Variants in HYCC1 observed in about 807,000 individuals in gnomAD.
HYCC1 encodes the protein hyccin.
chr7:22,980,473 TACA>T, the HYCC1 span, among the ~76,000 whole-genome samples: 6 of 152,258 alleles, frequency 3.9e-5, no homozygotes, highest in Middle Eastern at 3.4e-3. Context: ...AATGGATTTT[TACA>T]ACAATTCATT....
chr7:22,961,088 T>C, the HYCC1 span: 4 of 566,516 alleles, frequency 7.1e-6, no homozygotes, highest in African/African-American at 7.8e-5. Context: ...GTTACTTTTC[T>C]AAGTTATAAA....
the HYCC1 span, among the ~76,000 whole-genome samples, chr7:22,952,993 A>G: frequency 6.6e-6 from 1 of 151,974 alleles, no homozygotes; most frequent in Non-Finnish European, 1.5e-5. Flanking sequence ...ACCAGTTAGG[A>G]GCTATCAGCA....
At chr7:22,903,906 C>T in the HYCC1 span, among the ~76,000 whole-genome samples, 3 of 152,114 alleles carry the variant, frequency 2.0e-5, no homozygotes, top group South Asian at 2.1e-4. Flanking sequence ...ATTTCTGTAA[C>T]ATTTCACAAT....
the HYCC1 span, among the ~76,000 whole-genome samples, chr7:22,923,451 G>C: frequency 2.2e-3 from 328 of 152,044 alleles, 3 homozygotes; most frequent in South Asian, 1.0e-2. Flanking sequence ...TATTAAAAAA[G>C]AAGAAATATC....
At chr7:22,974,826 T>C in the HYCC1 span, among the ~76,000 whole-genome samples, 1 of 152,214 alleles carries the variant, frequency 6.6e-6, no homozygotes, top group Admixed American at 6.5e-5. Flanking sequence ...AATTGAATCA[T>C]GGGGTTGGGT....
the HYCC1 span, among the ~76,000 whole-genome samples, chr7:22,972,826 C>T: frequency 2.9e-3 from 439 of 152,222 alleles, 2 homozygotes; most frequent in Non-Finnish European, 3.6e-3. Context: ...GAAGGCAAAG[C>T]TTATAGTAAC....
chr7:22,914,430 C>T, the HYCC1 span, among the ~76,000 whole-genome samples: 6 of 152,266 alleles, frequency 3.9e-5, no homozygotes, highest in East Asian at 9.7e-4. Flanking sequence ...TTCTCAAAAA[C>T]AAAACCTCTT....
At chr7:22,972,911 A>C in the HYCC1 span, among the ~76,000 whole-genome samples, 2 of 152,214 alleles carry the variant, frequency 1.3e-5, no homozygotes. Context: ...AGATTGTTTT[A>C]ATTATTTTCA....
the HYCC1 span, among the ~76,000 whole-genome samples, chr7:23,010,181 T>G: frequency 6.6e-6 from 1 of 152,224 alleles, no homozygotes; most frequent in Non-Finnish European, 1.5e-5. Flanking sequence ...CAAAGAAATA[T>G]ACTGTCTTTA....
the HYCC1 span, chr7:22,943,900 T>C: frequency 6.6e-6 from 1 of 152,558 alleles, no homozygotes; most frequent in Non-Finnish European, 1.5e-5. Flanking sequence ...ATCAAATTCA[T>C]TTATGTCAAA....
At chr7:23,004,587 C>T in the HYCC1 span, among the ~76,000 whole-genome samples, 2 of 151,960 alleles carry the variant, frequency 1.3e-5, no homozygotes, top group Non-Finnish European at 2.9e-5. Flanking sequence ...TCTTTACATG[C>T]TTTTTCTTGG....
the HYCC1 span, among the ~76,000 whole-genome samples, chr7:22,926,157 T>C: frequency 1.3e-5 from 2 of 152,066 alleles, no homozygotes; most frequent in African/African-American, 2.4e-5. Flanking sequence ...CCACCAGGCC[T>C]GCCCTAAAAG....
At chr7:22,955,487 T>C in the HYCC1 span, among the ~76,000 whole-genome samples, 1 of 151,644 alleles carries the variant, frequency 6.6e-6, no homozygotes. Flanking sequence ...TTTGATTAGT[T>C]GGCAAAAAAT....
the HYCC1 span, among the ~76,000 whole-genome samples, chr7:23,010,357 C>G: frequency 2.0e-5 from 3 of 152,126 alleles, no homozygotes; most frequent in Non-Finnish European, 4.4e-5. Flanking sequence ...TCACTCTTTC[C>G]TTATGCATGT....
the HYCC1 span, among the ~76,000 whole-genome samples, chr7:22,917,147 C>T: frequency 3.0e-4 from 45 of 152,286 alleles, no homozygotes; most frequent in South Asian, 8.3e-3. Context: ...CTGTCCCTCA[C>T]GGCAGTTTTT....
the HYCC1 span, among the ~76,000 whole-genome samples, chr7:22,948,824 T>C: frequency 4.6e-5 from 7 of 152,116 alleles, no homozygotes; most frequent in African/African-American, 1.4e-4. Context: ...CACTGCTGCT[T>C]CTGGGTGCTC....
the HYCC1 span, chr7:22,938,597 T>G: frequency 2.0e-5 from 3 of 152,182 alleles, no homozygotes; most frequent in African/African-American, 7.2e-5. Context: ...TAGAATCATT[T>G]TTCTATGTCA....
the HYCC1 span, among the ~76,000 whole-genome samples, chr7:22,967,362 A>C: frequency 1.5e-4 from 23 of 152,354 alleles, no homozygotes; most frequent in Middle Eastern, 0.01. Flanking sequence ...TGGAAAACAT[A>C]GGAAAGTTCA....
chr7:22,999,499 T>C, the HYCC1 span, among the ~76,000 whole-genome samples: 25 of 152,290 alleles, frequency 1.6e-4, no homozygotes, highest in East Asian at 3.5e-3. Flanking sequence ...TATCACACAA[T>C]TGCATATTAA....
Sources: gnomAD v4.1 joint callset for allele counts (sites outside exome capture counted in the v4.1 genomes callset) on GRCh38, gnomAD v4.1.1 for gene constraint, MANE v1.5 for transcripts, NCBI Gene and HGNC (gene_info 2026-07-23, HGNC 2026-07-21) for gene names.